The following CADM2 variants were observed in gnomAD, a reference collection of about 807,000 sequenced individuals.
CADM2 encodes cell adhesion molecule 2, also known as immunoglobulin superfamily member 4D.
Under a neutral mutation model 49.8 loss-of-function variants are expected in CADM2, and 12 were observed. That is an observed-to-expected ratio of 0.24 (90% CI 0.15 to 0.39). The LOEUF is 0.39. CADM2 is among the 10% of genes least tolerant of loss of function. The probability of loss-of-function intolerance (pLI) is 1.00; values close to 1 mark genes in which losing one functional copy is unlikely to be tolerated. For synonymous variants in CADM2, 214 were observed against 175.4 expected, an observed-to-expected ratio of 1.22 and a Z score of -1.74; for missense variants, 378 against 492.3, an observed-to-expected ratio of 0.77 and a Z score of 2.20.
rs375445421 is a variant in CADM2 at position 85,020,785 on chromosome 3, GGTGT to G, written c.61+61132_61+61135del. 2.6e-3 allele frequency among the ~76,000 whole-genome samples: 392 copies of G among 149,178 alleles called. 3 individuals carry two copies. The highest frequency in any genetic ancestry group is 9.4e-3 in the African/African-American group (384 of 40,714). On this transcript the variant is annotated intron_variant, in intron 1 of 9. Transcript: ENST00000383699. ...GTGTATGGTGTGTGTGTGTGTAGGG[GGTGT>G]GTGTGTGTGTGTGTCCCTGTGGATT... is the stretch of plus-strand genomic sequence containing the variant.
At chr3:85,835,268 A>G (rs1446442612) in intron 3 of CADM2, among the ~76,000 whole-genome samples, 1 of 149,660 alleles carries the variant, frequency 6.7e-6, no homozygotes, top group Admixed American at 6.7e-5. Context: ...ACACTTTATA[A>G]TTTGAAATGT....
intron 1 of CADM2, among the ~76,000 whole-genome samples, chr3:85,339,253 G>A (rs115055191): frequency 3.3e-5 from 5 of 151,324 alleles, no homozygotes; most frequent in African/African-American, 7.2e-5. Context: ...AAGTACTGCA[G>A]GTAAATTATC....
chr3:85,751,453 G>T (rs2068857087), intron 2 of CADM2, among the ~76,000 whole-genome samples: 1 of 152,048 alleles, frequency 6.6e-6, no homozygotes, highest in Non-Finnish European at 1.5e-5. Context: ...TATTTGTTGA[G>T]AAATAGAATT....
In CADM2 at chr3:85,983,861, T is replaced by C. The variant is rs564587684; in HGVS notation, c.970+22214T>C. Among the ~76,000 whole-genome samples, 21 of 151,646 alleles carry C rather than the reference T, an allele frequency of 1.4e-4. No individual in the cohort carries two copies. In the South Asian group the frequency reaches 1.5e-3, roughly 10 times the overall value. ...TCTACCATCTGTCTGTCCTTTGAAG[T>C]ATAACAGTTCATATACTTTTCATGA... On this transcript the variant is annotated intron_variant, in intron 8 of 9. Transcript: ENST00000383699.
chr3:85,346,632 A>G (rs982317589), intron 1 of CADM2, among the ~76,000 whole-genome samples: 16 of 152,220 alleles, frequency 1.1e-4, no homozygotes, highest in African/African-American at 3.9e-4. Context: ...TTTGTGATCT[A>G]TCAGTGGGAA....
At chr3:85,646,867 G>T (rs537848500) in intron 1 of CADM2, among the ~76,000 whole-genome samples, 2 of 151,800 alleles carry the variant, frequency 1.3e-5, no homozygotes, top group African/African-American at 4.8e-5. Context: ...TTAACACAGG[G>T]CAATAAATAA....
rs1187664430 is a variant in CADM2 at position 84,959,341 on chromosome 3, C to G, written c.-267C>G. The G allele has an allele frequency of 1.8e-6, 1 of 562,614 alleles. No individual in the cohort carries two copies. Among genetic ancestry groups the G allele is most frequent in the African/African-American group, 1.9e-5 (1 of 52,162 alleles). The allele number at this position is 562,614 out of a possible 1,614,324, so 34.9% of individuals were successfully genotyped here. On this transcript the variant is annotated 5_prime_UTR_variant, in exon 1 of 10. Coordinates refer to ENST00000383699, the MANE Select transcript of CADM2 (RefSeq NM_001167675.2). Reference sequence around the variant, plus strand: ...AGGAAGGCAAGCTCCAAACCCCTGCCTGGAAGACGGGCTGTCGCGGCTGCA... The same window carrying G: ...AGGAAGGCAAGCTCCAAACCCCTGCGTGGAAGACGGGCTGTCGCGGCTGCA...
chr3:85,325,081 G>T (rs915528208), intron 1 of CADM2, among the ~76,000 whole-genome samples: 16 of 152,190 alleles, frequency 1.1e-4, no homozygotes, highest in African/African-American at 3.6e-4. Context: ...GCTGCTTTAT[G>T]TTCCACATGA....
chr3:85,422,829 T>C (rs1032634429), intron 1 of CADM2, among the ~76,000 whole-genome samples: 3 of 151,760 alleles, frequency 2.0e-5, no homozygotes, highest in Admixed American at 2.0e-4. Flanking sequence ...GGCGAGCGCT[T>C]TGGGGCTTCA....
At chr3:85,649,147 A>G (rs543514031) in intron 1 of CADM2, among the ~76,000 whole-genome samples, 15 of 152,244 alleles carry the variant, frequency 9.9e-5, no homozygotes, top group African/African-American at 3.6e-4. Flanking sequence ...ATACTTTGCA[A>G]AAAGAGTTAT....
At chr3:85,052,803 T>C (rs1315020457) in intron 1 of CADM2, among the ~76,000 whole-genome samples, 1 of 152,108 alleles carries the variant, frequency 6.6e-6, no homozygotes, top group African/African-American at 2.4e-5. Context: ...ATGTTAAGTA[T>C]ATACAGCAAT....
chr3:85,396,374 T>A (rs149035016), intron 1 of CADM2, among the ~76,000 whole-genome samples: 264 of 152,094 alleles, frequency 1.7e-3, no homozygotes, highest in African/African-American at 5.8e-3. Context: ...CATGATAAAA[T>A]GATCATCAAC....
At chr3:85,921,055 T>C (rs1719037433) in intron 6 of CADM2, among the ~76,000 whole-genome samples, 3 of 151,840 alleles carry the variant, frequency 2.0e-5, no homozygotes. Flanking sequence ...AGTGAATGTT[T>C]TCAATTATTT....
chr3:85,882,790 G>A (rs1229981347), intron 3 of CADM2, among the ~76,000 whole-genome samples: 1 of 152,154 alleles, frequency 6.6e-6, no homozygotes, highest in East Asian at 1.9e-4. Flanking sequence ...ATAGTTTACA[G>A]GTGCCTTTCT....
Position 84,959,041 on chromosome 3 carries a change from C to G in CADM2, c.-567C>G, listed in dbSNP as rs943529625. On this transcript the variant is annotated 5_prime_UTR_variant, in exon 1 of 10. Coordinates refer to ENST00000383699, the MANE Select transcript of CADM2 (RefSeq NM_001167675.2). ...CTGCCGCCACAGCCGCCGCTGCAGCCGGAGCATCCGGGAGCCGCCACTGCC... is the reference window on the plus strand; with the variant it reads ...CTGCCGCCACAGCCGCCGCTGCAGCGGGAGCATCCGGGAGCCGCCACTGCC... The G allele has an allele frequency of 6.6e-5, 13 of 197,850 alleles. No homozygotes were observed. Among genetic ancestry groups the G allele is most frequent in the African/African-American group, 3.1e-4 (13 of 41,696 alleles). 12.3% of individuals were successfully genotyped at this position (197,850 alleles called of 1,614,324 possible).
intron 1 of CADM2, among the ~76,000 whole-genome samples, chr3:84,961,637 T>TGC (rs911149843): frequency 5.3e-5 from 8 of 151,634 alleles, no homozygotes; most frequent in Middle Eastern, 3.2e-3. Context: ...TGTGTGTGTG[T>TGC]GCGCGCGCGC....
chr3:85,123,252 G>A (rs971291635), intron 1 of CADM2, among the ~76,000 whole-genome samples: 2 of 152,108 alleles, frequency 1.3e-5, no homozygotes, highest in Admixed American at 1.3e-4. Context: ...ACAACTAAAG[G>A]CAAGAAGTAA....
chr3:85,928,595 T>A (rs552527490), intron 6 of CADM2, among the ~76,000 whole-genome samples: 37 of 152,322 alleles, frequency 2.4e-4, no homozygotes, highest in Non-Finnish European at 4.4e-4. Flanking sequence ...TTTCCACATT[T>A]AAACATTTTA....
chr3:85,918,334 A>G (rs1718653249), intron 6 of CADM2, among the ~76,000 whole-genome samples: 1 of 152,150 alleles, frequency 6.6e-6, no homozygotes, highest in Admixed American at 6.6e-5. Context: ...TCCTATCAAC[A>G]CCTAATTTAT....
Sources: allele counts gnomAD v4.1 joint callset (sites outside exome capture counted in the v4.1 genomes callset), GRCh38; gene constraint gnomAD v4.1.1; transcripts MANE v1.5; gene names NCBI Gene and HGNC (gene_info 2026-07-23, HGNC 2026-07-21).